The following ADAMTS20 variants were observed in gnomAD, a reference collection of about 807,000 sequenced individuals.
ADAMTS20 encodes the protein A disintegrin and metalloproteinase with thrombospondin motifs 20.
In ADAMTS20, 225 loss-of-function variants were observed where a neutral mutation model predicts 260.1. The ratio of observed to expected loss-of-function variants is 0.87; its 90% CI spans 0.78 to 0.97. The LOEUF (loss-of-function observed/expected upper bound fraction) is 0.97. Ranked by LOEUF, ADAMTS20 falls within the 50% of genes least tolerant of loss-of-function variation. The pLI, the probability that ADAMTS20 is intolerant of heterozygous loss-of-function variation, is 0.00. For synonymous variants in ADAMTS20, 802 were observed against 769.5 expected (o/e 1.04, Z -0.70); for missense variants, 2,400 against 2,337.7 (o/e 1.03, Z -0.55).
intron 21 of ADAMTS20, among the ~76,000 whole-genome samples, chr12:43,431,965 C>A (rs567174473): frequency 6.6e-6 from 1 of 151,772 alleles, no homozygotes; most frequent in Non-Finnish European, 1.5e-5. Context: ...TGATACTCCA[C>A]GTCCCAGACT....
At chr12:43,384,615 C>T (rs1035343766) in intron 29 of ADAMTS20, among the ~76,000 whole-genome samples, 7 of 152,080 alleles carry the variant, frequency 4.6e-5, no homozygotes, top group African/African-American at 1.7e-4. Context: ...TCCCCAAACC[C>T]CCTCGACAGG....
chr12:43,455,355 A>G (rs1460205760), intron 11 of ADAMTS20, among the ~76,000 whole-genome samples: 1 of 152,208 alleles, frequency 6.6e-6, no homozygotes, highest in Non-Finnish European at 1.5e-5. Context: ...TGGGAAATCT[A>G]AGGTCAAGGT....
chr12:43,545,478 C>A (rs934829389), intron 2 of ADAMTS20, among the ~76,000 whole-genome samples: 28 of 152,180 alleles, frequency 1.8e-4, no homozygotes, highest in African/African-American at 6.8e-4. Flanking sequence ...AGAGGTCTCA[C>A]AACTCTCTTA....
chr12:43,411,443 C>T (rs941804152), intron 28 of ADAMTS20, among the ~76,000 whole-genome samples: 1 of 152,184 alleles, frequency 6.6e-6, no homozygotes, highest in Non-Finnish European at 1.5e-5. Context: ...TCTCGGCTCA[C>T]TGCAACGTGT....
At chr12:43,513,911 C>T (rs1368667782) in intron 3 of ADAMTS20, among the ~76,000 whole-genome samples, 3 of 113,778 alleles carry the variant, frequency 2.6e-5, no homozygotes, top group South Asian at 2.8e-4. Context: ...AGGCCTGTTG[C>T]GGGTGAGGGG....
At chr12:43,444,355 A>G (rs147712158) in intron 15 of ADAMTS20, among the ~76,000 whole-genome samples, 1 of 152,228 alleles carries the variant, frequency 6.6e-6, no homozygotes, top group East Asian at 1.9e-4. Context: ...AAATTTTTCA[A>G]TTTCATTATT....
chr12:43,470,130 C>T (rs1480651560), intron 7 of ADAMTS20, among the ~76,000 whole-genome samples: 1 of 152,166 alleles, frequency 6.6e-6, no homozygotes, highest in Non-Finnish European at 1.5e-5. Flanking sequence ...TTCTACAATT[C>T]ATGCTTGCAT....
intron 3 of ADAMTS20, among the ~76,000 whole-genome samples, chr12:43,527,202 A>G (rs546782822): frequency 3.9e-5 from 6 of 152,156 alleles, no homozygotes; most frequent in Admixed American, 1.3e-4. Flanking sequence ...AATTTTAACA[A>G]TTGCAAACAA....
intron 27 of ADAMTS20, among the ~76,000 whole-genome samples, chr12:43,426,222 A>C (rs1941330861): frequency 6.6e-6 from 1 of 152,196 alleles, no homozygotes; most frequent in Admixed American, 6.5e-5. Context: ...CATGCAGAAC[A>C]AAAGCCTGGC....
At chr12:43,522,899 G>T in intron 3 of ADAMTS20, among the ~76,000 whole-genome samples, 1 of 152,126 alleles carries the variant, frequency 6.6e-6, no homozygotes, top group Admixed American at 6.5e-5. Context: ...TTTGACCTTG[G>T]AAACAATTTA....
intron 28 of ADAMTS20, among the ~76,000 whole-genome samples, chr12:43,414,957 CA>C (rs1300901725): frequency 6.6e-6 from 1 of 152,066 alleles, no homozygotes; most frequent in Non-Finnish European, 1.5e-5. Flanking sequence ...AATATTAATA[CA>C]AATCATATTA....
chr12:43,421,990 G>A (rs866057286), intron 28 of ADAMTS20, among the ~76,000 whole-genome samples: 1 of 151,798 alleles, frequency 6.6e-6, no homozygotes, highest in Non-Finnish European at 1.5e-5. Context: ...CATTTTAAGT[G>A]CAAGGAGTAA....
chr12:43,413,292 T>C (rs1941068369), intron 28 of ADAMTS20, among the ~76,000 whole-genome samples: 1 of 152,194 alleles, frequency 6.6e-6, no homozygotes, highest in Admixed American at 6.5e-5. Flanking sequence ...ACAAAATGTC[T>C]TCTGATTTTT....
intron 28 of ADAMTS20, among the ~76,000 whole-genome samples, chr12:43,408,241 T>A (rs1940956498): frequency 6.6e-6 from 1 of 152,138 alleles, no homozygotes; most frequent in African/African-American, 2.4e-5. Flanking sequence ...ATCTTACCCC[T>A]GAGAGCCTAC....
At chr12:43,484,572 A>C (rs77356534) in intron 7 of ADAMTS20, among the ~76,000 whole-genome samples, 1,961 of 152,320 alleles carry the variant, frequency 0.013, 25 homozygotes, top group Middle Eastern at 0.027. Context: ...GAGTCTAACA[A>C]CAGACTAGAA....
At chr12:43,370,895 C>T (rs1319937688) in intron 36 of ADAMTS20, among the ~76,000 whole-genome samples, 1 of 152,136 alleles carries the variant, frequency 6.6e-6, no homozygotes, top group African/African-American at 2.4e-5. Context: ...CCCATGTTCC[C>T]AGTACTCATC....
chr12:43,442,294 G>A (rs895846877), intron 16 of ADAMTS20, among the ~76,000 whole-genome samples: 1 of 136,048 alleles, frequency 7.4e-6, no homozygotes, highest in African/African-American at 2.7e-5. Flanking sequence ...TTTTGCTCTT[G>A]TTGCCCAGGC....
intron 31 of ADAMTS20, 119 bp from the exon 32 acceptor site, chr12:43,377,681 G>T: frequency 1.2e-6 from 1 of 814,734 alleles, no homozygotes; most frequent in South Asian, 2.6e-5. Flanking sequence ...TATTTAATTA[G>T]CTTCATTTAC....
At chr12:43,489,109 A>G (rs998597709) in intron 7 of ADAMTS20, among the ~76,000 whole-genome samples, 1 of 151,980 alleles carries the variant, frequency 6.6e-6, no homozygotes, top group Admixed American at 6.6e-5. Flanking sequence ...ACCTAATATG[A>G]TGTCAAAAAA....
Sources: allele counts gnomAD v4.1 joint callset (sites outside exome capture counted in the v4.1 genomes callset), GRCh38; gene constraint gnomAD v4.1.1; transcripts MANE v1.5; gene names NCBI Gene and HGNC (gene_info 2026-07-23, HGNC 2026-07-21).